ACTR10: variants seen among roughly 807,000 people sequenced by gnomAD.
The protein encoded by ACTR10 is actin related protein 10, also known as actin-related protein 10.
A neutral mutation model predicts 56.2 loss-of-function variants in ACTR10; 43 were observed. The ratio of observed to expected loss-of-function variants is 0.77; its 90% confidence interval spans 0.60 to 0.99. The LOEUF (loss-of-function observed/expected upper bound fraction) is 0.99. Ranked by LOEUF, ACTR10 falls within the 50% of genes least tolerant of loss-of-function variation. The pLI is 0.00. For synonymous variants in ACTR10, 170 were observed against 176.3 expected (o/e 0.96, Z 0.28); for missense variants, 466 against 507.8 (o/e 0.92, Z 0.79).
At chr14:58,207,437 G>A (rs181281527) in intron 2 of ACTR10, among the ~76,000 whole-genome samples, 4 of 151,540 alleles carry the variant, frequency 2.6e-5, no homozygotes, top group Admixed American at 2.0e-4. Context: ...TGATTCTCCT[G>A]CCTCAGTCTC....
intron 8 of ACTR10, among the ~76,000 whole-genome samples, chr14:58,223,112 T>G (rs1466411660): frequency 1.3e-5 from 2 of 152,198 alleles, no homozygotes; most frequent in East Asian, 3.9e-4. Flanking sequence ...TGAAAAAGGT[T>G]GTTTTTTTGT....
Position 58,211,399 on chromosome 14 carries a change from C to A in ACTR10, c.450C>A (p.Pro150=), listed in dbSNP as rs748563352. The change falls in exon 5 of 13, where the codon CCC becomes CCA. Residue 150 remains proline (P), a splice_region_variant and synonymous_variant. Coordinates refer to ENST00000254286, the MANE Select transcript of ACTR10 (RefSeq NM_018477.3). ...DCGYRESLVL[P]IYEGIPVLNC... ...GATATAGGGAAAGCCTGGTGTTACCCATATCTTTTTTGTCAGCCAGCCACC... is the reference window on the plus strand; with the variant it reads ...GATATAGGGAAAGCCTGGTGTTACCAATATCTTTTTTGTCAGCCAGCCACC... 6.2e-7 allele frequency: 1 copy of A among 1,608,342 alleles called. No individual in the cohort carries two copies. The highest frequency in any genetic ancestry group is 8.5e-7 in the Non-Finnish European group (1 of 1,176,128).
rs772399098 is a variant in ACTR10, at chr14:58,209,084, C to T, written c.319C>T (p.Arg107Cys). 3.8e-6 allele frequency: 6 copies of T among 1,592,822 alleles called. No individual in the cohort carries two copies. Among genetic ancestry groups the T allele is most frequent in the Admixed American group, 1.7e-5 (1 of 57,668 alleles). ...TTCTCACTTCAGAGAGACACTCACT[C>T]GTGTTCTTTTCAAATATTTTGAGGT... ...CPSHFRETLT[R>C]VLFKYFEVPS... The change falls in exon 4 of 13, where the codon CGT (arginine) becomes TGT (cysteine). Residue 107 changes from arginine to cysteine, a missense_variant. Transcript: ENST00000254286.
In ACTR10 at chr14:58,200,167, C is replaced by G; in HGVS notation, c.-51C>G. ...CGGCCCCGCCCCGCGAGCGCCGAGACTTGTTGGCCGCGGAGACTGCGACCC... is the reference window on the plus strand; with the variant it reads ...CGGCCCCGCCCCGCGAGCGCCGAGAGTTGTTGGCCGCGGAGACTGCGACCC... On this transcript the variant is annotated 5_prime_UTR_variant, in exon 1 of 13. Coordinates refer to ENST00000254286, the MANE Select transcript of ACTR10 (RefSeq NM_018477.3). 1 of 1,403,694 alleles carries G rather than the reference C, an allele frequency of 7.1e-7. No individual in the cohort carries two copies. Among genetic ancestry groups the G allele is most frequent in the Non-Finnish European group, 9.4e-7 (1 of 1,063,840 alleles). The allele number at this position is 1,403,694 out of a possible 1,614,324, so 87.0% of individuals were successfully genotyped here.
At chr14:58,228,412 A>G (rs948306421) in intron 10 of ACTR10, among the ~76,000 whole-genome samples, 1 of 152,220 alleles carries the variant, frequency 6.6e-6, no homozygotes, top group East Asian at 1.9e-4. Flanking sequence ...TGAGGCCAGG[A>G]GTTCGAGACC....
chr14:58,215,980 T>C (rs1201883544), intron 7 of ACTR10, among the ~76,000 whole-genome samples: 1 of 151,616 alleles, frequency 6.6e-6, no homozygotes, highest in African/African-American at 2.4e-5. Flanking sequence ...TTTCTTTTTT[T>C]TTTTTTTTTT....
chr14:58,205,815 A>C (rs1182821497), intron 2 of ACTR10, among the ~76,000 whole-genome samples: 1 of 152,012 alleles, frequency 6.6e-6, no homozygotes, highest in Non-Finnish European at 1.5e-5. Flanking sequence ...TGAGGCCAGG[A>C]GTTTGAGACT....
chr14:58,210,540 T>C (rs866692658), intron 4 of ACTR10, among the ~76,000 whole-genome samples: 22 of 152,208 alleles, frequency 1.4e-4, no homozygotes, highest in African/African-American at 5.1e-4. Flanking sequence ...AGTAAAAATA[T>C]ATAGTTCATA....
chr14:58,219,493 TC>T (rs1489989479), intron 7 of ACTR10, 200 bp from the exon 8 acceptor site: 3 of 393,488 alleles, frequency 7.6e-6, no homozygotes, highest in Middle Eastern at 6.9e-4. Context: ...TGCTTCAATT[TC>T]CATGGTTTGT....
chr14:58,224,064 G>C (rs369951629), intron 10 of ACTR10, among the ~76,000 whole-genome samples: 1 of 151,796 alleles, frequency 6.6e-6, no homozygotes, highest in East Asian at 1.9e-4. Context: ...GCAGTGGCAC[G>C]ATCTCGGCTC....
intron 4 of ACTR10, among the ~76,000 whole-genome samples, chr14:58,209,419 A>T (rs968495550): frequency 3.9e-5 from 6 of 152,070 alleles, no homozygotes; most frequent in Non-Finnish European, 8.8e-5. Flanking sequence ...ATTTATTTTA[A>T]TATAGGTTTT....
chr14:58,229,893 A>C (rs1454489619), intron 10 of ACTR10, among the ~76,000 whole-genome samples: 2 of 152,014 alleles, frequency 1.3e-5, no homozygotes, highest in Non-Finnish European at 2.9e-5. Context: ...TACCAAAAAG[A>C]AATAGAGTAA....
At chr14:58,206,454 A>T (rs1003336899) in intron 2 of ACTR10, among the ~76,000 whole-genome samples, 1 of 152,030 alleles carries the variant, frequency 6.6e-6, no homozygotes, top group Non-Finnish European at 1.5e-5. Flanking sequence ...AAGTGTTGGG[A>T]TTACAGGCAT....
chr14:58,231,954 T>A, intron 11 of ACTR10, 112 bp from the exon 12 acceptor site: 1 of 552,190 alleles, frequency 1.8e-6, no homozygotes, highest in Non-Finnish European at 2.8e-6. Context: ...TAATCTGTAG[T>A]ATAATAATAA....
At position 58,213,613 on chromosome 14, in the gene ACTR10, T is replaced by C. The variant is rs1399149364; in HGVS notation, c.451-18T>C. On this transcript the variant is annotated intron_variant, in intron 5 of 12. Transcript: ENST00000254286. ...CATTTTATCTCCTAAAATAGTAGTA[T>C]CCTTGACTACTCTATAGATATATGA... The C allele has an allele frequency of 6.4e-7, 1 of 1,567,310 alleles. No homozygotes were observed. The highest frequency in any genetic ancestry group is 2.3e-5 in the East Asian group (1 of 44,026).
intron 4 of ACTR10, 24 bp from the exon 5 acceptor site, chr14:58,211,268 T>G: frequency 6.5e-7 from 1 of 1,529,704 alleles, no homozygotes; most frequent in Non-Finnish European, 9.0e-7. Context: ...CCGGTTTTGT[T>G]GTATTGATTT....
At chr14:58,204,434 C>G (rs371168861) in intron 2 of ACTR10, among the ~76,000 whole-genome samples, 1 of 151,920 alleles carries the variant, frequency 6.6e-6, no homozygotes, top group Admixed American at 6.6e-5. Flanking sequence ...CCTGTAGTCC[C>G]CAGCTACTTG....
intron 4 of ACTR10, among the ~76,000 whole-genome samples, chr14:58,210,296 A>G (rs911441206): frequency 2.0e-5 from 3 of 152,112 alleles, no homozygotes; most frequent in Admixed American, 2.0e-4. Context: ...AGAGCCAACT[A>G]TTTGTATATT....
chr14:58,201,242 G>A (rs574386416), intron 1 of ACTR10, among the ~76,000 whole-genome samples: 1 of 152,262 alleles, frequency 6.6e-6, no homozygotes, highest in East Asian at 1.9e-4. Flanking sequence ...ATAGTCCTTG[G>A]TTAATGACAT....
Sources: gnomAD v4.1 joint callset for allele counts (sites outside exome capture counted in the v4.1 genomes callset) on GRCh38, gnomAD v4.1.1 for gene constraint, MANE v1.5 for transcripts, NCBI Gene and HGNC (gene_info 2026-07-23, HGNC 2026-07-21) for gene names.